The following SMAD6 variants were observed in gnomAD, a reference collection of about 807,000 sequenced individuals.
SMAD6 encodes MAD homolog 6.
Under a neutral mutation model 39.4 loss-of-function variants are expected in SMAD6, and 103 were observed. The observed-to-expected ratio is 2.62, with a 90% CI of 2.23 to 3.08. SMAD6 has a LOEUF of 3.08. Ranked by LOEUF, SMAD6 falls within the 30% of genes most tolerant of loss-of-function variation. The probability of loss-of-function intolerance (pLI) is 0.00; values close to 1 mark genes in which losing one functional copy is unlikely to be tolerated. For synonymous variants in SMAD6, 445 were observed against 353.3 expected, an observed-to-expected ratio of 1.26 and a Z score of -2.91; for missense variants, 1,104 against 742.9, an observed-to-expected ratio of 1.49 and a Z score of -5.65.
At position 66,782,028 on chromosome 15, in the gene SMAD6, G is replaced by C. The variant is rs1365676758; in HGVS notation, c.*493G>C. 2.5e-6 allele frequency: 1 copy of C among 398,540 alleles called. No individual in the cohort carries two copies. The highest frequency in any genetic ancestry group is 4.4e-6 in the Non-Finnish European group (1 of 225,988). The allele number at this position is 398,540 out of a possible 1,614,324, so 24.7% of individuals were successfully genotyped here. On this transcript the variant is annotated 3_prime_UTR_variant, in exon 4 of 4. Coordinates refer to ENST00000288840, the MANE Select transcript of SMAD6 (RefSeq NM_005585.5). Reference sequence around the variant, plus strand: ...GTCTTCTTTTTACAAAGAGGGGCAGGTAGGGCTTCAGCGGATTTCTGACCC... The same window carrying C: ...GTCTTCTTTTTACAAAGAGGGGCAGCTAGGGCTTCAGCGGATTTCTGACCC...
intron 3 of SMAD6, among the ~76,000 whole-genome samples, chr15:66,731,493 C>G (rs1184005153): frequency 6.6e-6 from 1 of 152,152 alleles, no homozygotes; most frequent in East Asian, 1.9e-4. Flanking sequence ...CAACCCCAAC[C>G]CTGAGCTGCT....
At chr15:66,748,759 C>T (rs117059825) in intron 3 of SMAD6, among the ~76,000 whole-genome samples, 1,525 of 152,116 alleles carry the variant, frequency 0.01, 7 homozygotes, top group Middle Eastern at 0.031. Flanking sequence ...TGCTTTTGCC[C>T]AAGACTATCA....
In SMAD6 at chr15:66,781,441, T is replaced by C; in HGVS notation, c.1397T>C (p.Ile466Thr). ...CCCTACGACCCCAACAGCGTCCGCATCAGCTTCGCCAAGGGCTGGGGGCCC... is the reference window on the plus strand; with the variant it reads ...CCCTACGACCCCAACAGCGTCCGCACCAGCTTCGCCAAGGGCTGGGGGCCC... ...DGPYDPNSVR[I>T]SFAKGWGPCY... The change falls in exon 4 of 4, where the codon ATC (isoleucine) becomes ACC (threonine). Residue 466 changes from isoleucine (I) to threonine (T), a missense_variant. Ile to Thr is a moderately conservative substitution (Grantham distance 89, BLOSUM62 -1). Coordinates refer to ENST00000288840, the MANE Select transcript of SMAD6 (RefSeq NM_005585.5). The C allele has an allele frequency of 6.2e-7, 1 of 1,605,386 alleles. No homozygotes were observed. The highest frequency in any genetic ancestry group is 8.5e-7 in the Non-Finnish European group (1 of 1,178,272).
In SMAD6 at chr15:66,728,470, G is replaced by C. The variant is rs573339191; in HGVS notation, c.952+11972G>C. On this transcript the variant is annotated intron_variant, in intron 3 of 3. Transcript: ENST00000288840. ...CGCCCAGGCTGGAATGCAGTGATGTGATCTCGGCTCACTGCAACCTCTGCC... is the reference window on the plus strand; with the variant it reads ...CGCCCAGGCTGGAATGCAGTGATGTCATCTCGGCTCACTGCAACCTCTGCC... Among the ~76,000 whole-genome samples the C allele has an allele frequency of 2.0e-5, 3 of 151,842 alleles. No individual in the cohort carries two copies. In the South Asian group the frequency reaches 6.3e-4, roughly 32 times the overall value.
chr15:66,781,046 G>C lies in SMAD6; in HGVS notation c.1002G>C (p.Val334=), dbSNP rs762316582. 6.2e-7 allele frequency: 1 copy of C among 1,601,528 alleles called. No homozygotes were observed. The highest frequency in any genetic ancestry group is 8.5e-7 in the Non-Finnish European group (1 of 1,178,102). Reference sequence around the variant, plus strand: ...CCAAGCCGAGCCACTGGTGCAGCGTGGCGTACTGGGAGCACCGGACGCGCG... The same window carrying C: ...CCAAGCCGAGCCACTGGTGCAGCGTCGCGTACTGGGAGCACCGGACGCGCG... ...DATKPSHWCS[V]AYWEHRTRVG... is the part of the protein sequence containing the mutation. Residue 334 remains valine (V), a synonymous_variant, in exon 4 of 4, where the codon GTG becomes GTC. Coordinates refer to ENST00000288840, the MANE Select transcript of SMAD6 (RefSeq NM_005585.5).
intron 3 of SMAD6, among the ~76,000 whole-genome samples, chr15:66,758,470 G>A (rs868422635): frequency 5.9e-5 from 9 of 152,294 alleles, no homozygotes; most frequent in South Asian, 2.1e-4. Flanking sequence ...GCTTATGCCC[G>A]TAATCCCAGC....
At chr15:66,778,147 A>G (rs1294128604) in intron 3 of SMAD6, among the ~76,000 whole-genome samples, 1 of 151,580 alleles carries the variant, frequency 6.6e-6, no homozygotes, top group Non-Finnish European at 1.5e-5. Context: ...CAGTAGCACA[A>G]TGACTGTTCC....
intron 3 of SMAD6, among the ~76,000 whole-genome samples, chr15:66,768,892 C>T (rs1473915163): frequency 6.6e-6 from 1 of 152,164 alleles, no homozygotes; most frequent in African/African-American, 2.4e-5. Flanking sequence ...GAGAGCAAGC[C>T]AGCTGAATCC....
chr15:66,709,736 C>G (rs1893190944), intron 1 of SMAD6, among the ~76,000 whole-genome samples: 1 of 152,210 alleles, frequency 6.6e-6, no homozygotes, highest in African/African-American at 2.4e-5. Context: ...TACCTAGCTC[C>G]TGAGGGAGTC....
At chr15:66,758,424 A>G (rs912623901) in intron 3 of SMAD6, among the ~76,000 whole-genome samples, 2 of 152,204 alleles carry the variant, frequency 1.3e-5, no homozygotes, top group Non-Finnish European at 2.9e-5. Flanking sequence ...AAAATAATCT[A>G]TTAAAAGATA....
chr15:66,762,454 C>T (rs532253449), intron 3 of SMAD6, among the ~76,000 whole-genome samples: 1 of 152,286 alleles, frequency 6.6e-6, no homozygotes, highest in African/African-American at 2.4e-5. Flanking sequence ...TCTTTCCCCT[C>T]AGGGAATTTG....
intron 3 of SMAD6, among the ~76,000 whole-genome samples, chr15:66,761,560 C>CA (rs1894199429): frequency 6.6e-6 from 1 of 152,176 alleles, no homozygotes; most frequent in Admixed American, 6.5e-5. Flanking sequence ...GCTGGACTCA[C>CA]CAGGATTATT....
chr15:66,766,339 G>A (rs1298383564), intron 3 of SMAD6, among the ~76,000 whole-genome samples: 5 of 152,196 alleles, frequency 3.3e-5, no homozygotes, highest in Admixed American at 2.0e-4. Flanking sequence ...CGTCCAGGAC[G>A]CACTCTGTGA....
chr15:66,751,960 T>C (rs1359506030), intron 3 of SMAD6, among the ~76,000 whole-genome samples: 3 of 152,074 alleles, frequency 2.0e-5, no homozygotes, highest in Non-Finnish European at 4.4e-5. Context: ...TCCTACTCCT[T>C]CCGTAGGAAG....
At chr15:66,748,864 A>G (rs985361981) in intron 3 of SMAD6, among the ~76,000 whole-genome samples, 29 of 152,194 alleles carry the variant, frequency 1.9e-4, no homozygotes, top group Non-Finnish European at 4.0e-4. Context: ...CCAGGACTTG[A>G]TATGAGCTGT....
intron 3 of SMAD6, among the ~76,000 whole-genome samples, chr15:66,759,576 A>G (rs1467506845): frequency 3.9e-5 from 6 of 152,210 alleles, no homozygotes; most frequent in African/African-American, 1.4e-4. Flanking sequence ...TTGATGATCT[A>G]CATATGTATA....
At position 66,782,392 on chromosome 15, in the gene SMAD6, AAC is replaced by A. The variant is rs1894594499; in HGVS notation, c.*859_*860del. On this transcript the variant is annotated 3_prime_UTR_variant, in exon 4 of 4. Transcript: ENST00000288840. Reference sequence around the variant, plus strand: ...ACCATTTTGTGGAAATGGCCTGGGGAACAAAGACTGAAATGGGCCTTGAGCCC... The same window carrying A: ...ACCATTTTGTGGAAATGGCCTGGGGAAAAGACTGAAATGGGCCTTGAGCCC... 6.6e-6 allele frequency: 1 copy of A among 152,668 alleles called. No individual in the cohort carries two copies. Among genetic ancestry groups the A allele is most frequent in the African/African-American group, 2.4e-5 (1 of 41,456 alleles). 9.5% of individuals were successfully genotyped at this position (152,668 alleles called of 1,614,324 possible). A position where few individuals can be genotyped will look rare whatever the true frequency, so the allele number is the denominator to read the frequency against.
At chr15:66,708,521 A>G (rs1176918448) in intron 1 of SMAD6, among the ~76,000 whole-genome samples, 6 of 152,218 alleles carry the variant, frequency 3.9e-5, no homozygotes, top group African/African-American at 1.4e-4. Flanking sequence ...AGCAACCCAA[A>G]TGTCCATTAG....
chr15:66,756,315 C>T (rs988228093), intron 3 of SMAD6, among the ~76,000 whole-genome samples: 1 of 151,710 alleles, frequency 6.6e-6, no homozygotes, highest in Non-Finnish European at 1.5e-5. Context: ...GTCATGCTGT[C>T]ACAGTTAAAA....
Sources: allele counts gnomAD v4.1 joint callset (sites outside exome capture counted in the v4.1 genomes callset), GRCh38; gene constraint gnomAD v4.1.1; transcripts MANE v1.5; gene names NCBI Gene and HGNC (gene_info 2026-07-23, HGNC 2026-07-21).